Variants in C10orf71 observed in about 807,000 individuals in gnomAD.
The protein encoded by C10orf71 is cardiac-enriched FHL2-interacting protein.
For missense variants in C10orf71, 1,869 were observed against 1,804.5 expected, an observed-to-expected ratio of 1.04 and a Z score of -0.65; for synonymous variants, 758 against 726.3, an observed-to-expected ratio of 1.04 and a Z score of -0.70.
In C10orf71 at chr10:49,327,281, A is replaced by G. The variant is rs1487364405; in HGVS notation, c.*428A>G. ...TCACTTGTAAGCTCCTTGATGAGCA[A>G]ACCCCTAAGGCCCCCAGCTCAGACT... On this transcript the variant is annotated 3_prime_UTR_variant, in exon 3 of 3. Transcript: ENST00000374144. 3.2e-6 allele frequency: 1 copy of G among 309,888 alleles called. No individual in the cohort carries two copies. Among genetic ancestry groups the G allele is most frequent in the Non-Finnish European group, 6.7e-6 (1 of 148,478 alleles). The allele number at this position is 309,888 out of a possible 1,614,324, so 19.2% of individuals were successfully genotyped here.
At chr10:49,321,624 T>C (rs77971172) in intron 2 of C10orf71, among the ~76,000 whole-genome samples, 102 of 152,354 alleles carry the variant, frequency 6.7e-4, no homozygotes, top group African/African-American at 2.3e-3. Context: ...GAAGAATCTT[T>C]ATACTGTTTT....
rs1416303557 is a variant in C10orf71, at chr10:49,325,979, A to T, written c.3434A>T (p.Asp1145Val). 6.4e-7 allele frequency: 1 copy of T among 1,551,658 alleles called. No homozygotes were observed. The highest frequency in any genetic ancestry group is 2.4e-5 in the East Asian group (1 of 40,906). Reference sequence around the variant, plus strand: ...CTCTCTCCAAGAGGTTCATTGCTGGATGTGGCCACCAGCCCAGCAGGCACC... The same window carrying T: ...CTCTCTCCAAGAGGTTCATTGCTGGTTGTGGCCACCAGCCCAGCAGGCACC... ...RTLSPRGSLLDVATSPAGTSG... is the reference protein window; with the variant it reads ...RTLSPRGSLLVVATSPAGTSG... The change falls in exon 3 of 3, where the codon GAT (aspartate) becomes GTT (valine). Residue 1145 changes from aspartate to valine, a missense_variant. Coordinates refer to ENST00000374144, the MANE Select transcript of C10orf71 (RefSeq NM_001135196.2).
At chr10:49,299,871 C>T (rs1041215839) in intron 1 of C10orf71, among the ~76,000 whole-genome samples, 1 of 152,142 alleles carries the variant, frequency 6.6e-6, no homozygotes, top group Non-Finnish European at 1.5e-5. Context: ...CCAGCTGTAA[C>T]AAAGAGAAAA....
At position 49,325,566 on chromosome 10, in the gene C10orf71, C is replaced by G. The variant is rs545241202; in HGVS notation, c.3021C>G (p.Pro1007=). ...GGCACATCCCCACCATTGCTTTACCCGAGGGTGACATAGAAGACCAGCCAC... is the reference window on the plus strand; with the variant it reads ...GGCACATCCCCACCATTGCTTTACCGGAGGGTGACATAGAAGACCAGCCAC... ...APWHIPTIAL[P]EGDIEDQPPP... is the part of the protein sequence containing the mutation. Residue 1007 remains proline, a synonymous_variant, in exon 3 of 3, where the codon CCC becomes CCG. Transcript: ENST00000374144. 1.1e-5 allele frequency: 17 copies of G among 1,550,726 alleles called. No homozygotes were observed. In the East Asian group the frequency reaches 2.9e-4, roughly 27 times the overall value.
intron 1 of C10orf71, among the ~76,000 whole-genome samples, chr10:49,302,180 A>C (rs930569742): frequency 4.6e-5 from 7 of 152,160 alleles, no homozygotes; most frequent in Non-Finnish European, 7.4e-5. Flanking sequence ...CCTACTCCCC[A>C]CTGTGTCAGG....
At chr10:49,297,590 G>A (rs552162158), upstream of C10orf71, among the ~76,000 whole-genome samples, 7 of 152,280 alleles carry the variant, frequency 4.6e-5, no homozygotes, top group South Asian at 2.1e-4. Context: ...TGCAATAGAC[G>A]AGCATATTCA....
intron 1 of C10orf71, among the ~76,000 whole-genome samples, chr10:49,300,145 A>G (rs1049442551): frequency 6.6e-6 from 1 of 152,204 alleles, no homozygotes; most frequent in African/African-American, 2.4e-5. Flanking sequence ...GTAGCTCCCT[A>G]AGTATAGGAA....
chr10:49,308,942 G>A (rs1386352662), intron 1 of C10orf71, among the ~76,000 whole-genome samples: 2 of 152,234 alleles, frequency 1.3e-5, no homozygotes, highest in African/African-American at 2.4e-5. Context: ...CCGAGGACTG[G>A]GTGAGGCCCT....
At chr10:49,304,840 G>A (rs1590323424) in intron 1 of C10orf71, among the ~76,000 whole-genome samples, 1 of 152,230 alleles carries the variant, frequency 6.6e-6, no homozygotes, top group Admixed American at 6.5e-5. Context: ...TCTAGACAAG[G>A]CTCTCCAAGG....
intron 1 of C10orf71, among the ~76,000 whole-genome samples, chr10:49,308,719 G>A (rs189667844): frequency 5.9e-5 from 9 of 152,342 alleles, no homozygotes; most frequent in East Asian, 3.9e-4. Flanking sequence ...AACTGGTGAC[G>A]TGAAGCAGGT....
chr10:49,324,537 G>C lies in C10orf71; in HGVS notation c.1992G>C (p.Lys664Asn). 1 of 1,613,450 alleles carries C rather than the reference G, an allele frequency of 6.2e-7. No individual in the cohort carries two copies. Among genetic ancestry groups the C allele is most frequent in the Non-Finnish European group, 8.5e-7 (1 of 1,179,660 alleles). ...CTGGAGGGGCTACAGAGAAAATGAAGACCCACCAGCTAGAGAATGGGCTCT... is the reference window on the plus strand; with the variant it reads ...CTGGAGGGGCTACAGAGAAAATGAACACCCACCAGCTAGAGAATGGGCTCT... ...PEPGGATEKMKTHQLENGLSR... is the reference protein window; with the variant it reads ...PEPGGATEKMNTHQLENGLSR... Residue 664 changes from lysine (K) to asparagine (N), a missense_variant, in exon 3 of 3, where the codon AAG (lysine) becomes AAC (asparagine). Physicochemically the swap from Lys to Asn is moderately conservative, Grantham distance 94 (BLOSUM62 0). Transcript: ENST00000374144.
At chr10:49,303,220 T>C (rs943107535) in intron 1 of C10orf71, among the ~76,000 whole-genome samples, 2 of 152,098 alleles carry the variant, frequency 1.3e-5, no homozygotes, top group African/African-American at 4.8e-5. Context: ...CCCAACCCCA[T>C]GGTGACCACA....
chr10:49,326,110 A>G lies in C10orf71; in HGVS notation c.3565A>G (p.Ser1189Gly). The G allele has an allele frequency of 6.4e-7, 1 of 1,551,698 alleles. No homozygotes were observed. Among genetic ancestry groups the G allele is most frequent in the Non-Finnish European group, 8.7e-7 (1 of 1,146,974 alleles). ...CCTGCGGCGGGCAAAGAAGCTGGCA[A>G]GTAAGAGGAGGAAGACGGATCAGGC... ...KALRRAKKLA[S>G]KRRKTDQAQE... The change falls in exon 3 of 3, where the codon AGT becomes GGT. Residue 1189 changes from serine (S) to glycine (G), a missense_variant. Coordinates refer to ENST00000374144, the MANE Select transcript of C10orf71 (RefSeq NM_001135196.2).
intron 1 of C10orf71, among the ~76,000 whole-genome samples, chr10:49,304,506 C>A (rs550730707): frequency 6.6e-6 from 1 of 152,370 alleles, no homozygotes; most frequent in African/African-American, 2.4e-5. Context: ...AGGGGGCTAA[C>A]ATTTGGTGAC....
chr10:49,325,229 C>G lies in C10orf71; in HGVS notation c.2684C>G (p.Pro895Arg). 6.4e-7 allele frequency: 1 copy of G among 1,551,976 alleles called. No individual in the cohort carries two copies. The highest frequency in any genetic ancestry group is 8.7e-7 in the Non-Finnish European group (1 of 1,147,050). ...AGTGGCCACAAAGAGGAGGAATTGC[C>G]AAGGCCAGAATGGGGTGAGGATCCT... ...LSSGHKEEELPRPEWGEDPGF... is the reference protein window; with the variant it reads ...LSSGHKEEELRRPEWGEDPGF... Residue 895 changes from proline (P) to arginine (R), a missense_variant, in exon 3 of 3, where the codon CCA becomes CGA. Physicochemically the swap from Pro to Arg is moderately radical, Grantham distance 103. Coordinates refer to ENST00000374144, the MANE Select transcript of C10orf71 (RefSeq NM_001135196.2).
intron 1 of C10orf71, among the ~76,000 whole-genome samples, chr10:49,311,441 C>T (rs912191616): frequency 2.6e-5 from 4 of 152,228 alleles, no homozygotes; most frequent in Non-Finnish European, 4.4e-5. Context: ...CCTTTGCACA[C>T]TGCAGTAAAC....
intron 1 of C10orf71, among the ~76,000 whole-genome samples, chr10:49,300,388 T>A (rs922788156): frequency 6.7e-6 from 1 of 149,872 alleles, no homozygotes; most frequent in African/African-American, 2.5e-5. Flanking sequence ...ACGCTTACAA[T>A]GTGGCCCTTT....
chr10:49,317,994 C>T lies in C10orf71; in HGVS notation c.-145+1747C>T, dbSNP rs770428834. Among the ~76,000 whole-genome samples the T allele has an allele frequency of 2.0e-4, 31 of 152,206 alleles. 1 individual carries two copies. The highest frequency in any genetic ancestry group is 1.9e-3 in the Admixed American group (29 of 15,280). On this transcript the variant is annotated intron_variant, in intron 2 of 2. Coordinates refer to ENST00000374144, the MANE Select transcript of C10orf71 (RefSeq NM_001135196.2). Reference sequence around the variant, plus strand: ...AAAGGCTAGGATCGATTCTTCCTTACAGCCCTCATAAGGAACCAACCTTGT... The same window carrying T: ...AAAGGCTAGGATCGATTCTTCCTTATAGCCCTCATAAGGAACCAACCTTGT...
Position 49,325,989 on chromosome 10 carries a change from C to T in C10orf71, c.3444C>T (p.Thr1148=). The T allele has an allele frequency of 6.4e-7, 1 of 1,551,704 alleles. No homozygotes were observed. The highest frequency in any genetic ancestry group is 8.7e-7 in the Non-Finnish European group (1 of 1,147,002). Residue 1148 remains threonine, a synonymous_variant, in exon 3 of 3, where the codon ACC becomes ACT. Coordinates refer to ENST00000374144, the MANE Select transcript of C10orf71 (RefSeq NM_001135196.2). ...GAGGTTCATTGCTGGATGTGGCCAC[C>T]AGCCCAGCAGGCACCTCTGGGAGAC... ...SPRGSLLDVA[T]SPAGTSGRLE... is the part of the protein sequence containing the mutation.
Sources: allele counts gnomAD v4.1 joint callset (sites outside exome capture counted in the v4.1 genomes callset), GRCh38; gene constraint gnomAD v4.1.1; transcripts MANE v1.5; gene names NCBI Gene and HGNC (gene_info 2026-07-23, HGNC 2026-07-21).